Variants in GRIK3 observed in about 807,000 individuals in gnomAD.
The protein encoded by GRIK3 is glutamate ionotropic receptor kainate type subunit 3, also known as glutamate receptor ionotropic, kainate 3.
In GRIK3, 29 loss-of-function variants were observed where a neutral mutation model predicts 102.5. The ratio of observed to expected loss-of-function variants is 0.28; its 90% CI spans 0.21 to 0.39. The LOEUF (loss-of-function observed/expected upper bound fraction) is 0.39, where lower values mean the gene tolerates loss of function less well. GRIK3 is among the 10% of genes least tolerant of loss of function. The probability of loss-of-function intolerance (pLI) is 1.00; values close to 1 mark genes in which losing one functional copy is unlikely to be tolerated. For synonymous variants in GRIK3, 511 were observed against 504.9 expected (o/e 1.01, Z -0.16); for missense variants, 908 against 1,252.4 (o/e 0.73, Z 4.15).
chr1:36,848,417 T>C (rs1195761976), intron 9 of GRIK3, among the ~76,000 whole-genome samples: 1 of 152,260 alleles, frequency 6.6e-6, no homozygotes, highest in Non-Finnish European at 1.5e-5. Flanking sequence ...TTTATGCAGC[T>C]CTGCTTTTAA....
At chr1:36,887,769 A>ATATATAT (rs1491580653) in intron 2 of GRIK3, among the ~76,000 whole-genome samples, 102 of 90,306 alleles carry the variant, frequency 1.1e-3, no homozygotes, top group African/African-American at 3.8e-3. Flanking sequence ...AAAAAAAAAA[A>ATATATAT]AAATATATAT....
chr1:37,026,424 G>C (rs1490838053), intron 1 of GRIK3, among the ~76,000 whole-genome samples: 1 of 152,190 alleles, frequency 6.6e-6, no homozygotes, highest in African/African-American at 2.4e-5. Context: ...GGGGCACTAG[G>C]GGTTAGCACA....
At chr1:36,983,965 G>A (rs1642276955) in intron 1 of GRIK3, among the ~76,000 whole-genome samples, 1 of 152,172 alleles carries the variant, frequency 6.6e-6, no homozygotes, top group Non-Finnish European at 1.5e-5. Flanking sequence ...ATAGTACCCA[G>A]CAGGGTGACT....
intron 1 of GRIK3, among the ~76,000 whole-genome samples, chr1:36,957,338 T>A (rs1008382493): frequency 4.7e-5 from 7 of 148,628 alleles, no homozygotes; most frequent in South Asian, 4.4e-4. Flanking sequence ...TGAGCCTGTG[T>A]ACCCAGTGAG....
At chr1:36,822,945 C>G (rs977141550) in intron 11 of GRIK3, among the ~76,000 whole-genome samples, 2 of 152,188 alleles carry the variant, frequency 1.3e-5, no homozygotes, top group Non-Finnish European at 2.9e-5. Context: ...GCCTGGTCCC[C>G]TGGTGTGGGC....
chr1:36,857,903 C>T (rs534966320), intron 7 of GRIK3, among the ~76,000 whole-genome samples: 10 of 152,180 alleles, frequency 6.6e-5, no homozygotes, highest in South Asian at 6.2e-4. Flanking sequence ...TGTGCACAGG[C>T]GAGTCTGTTT....
chr1:36,964,798 G>A (rs111272917), intron 1 of GRIK3, among the ~76,000 whole-genome samples: 3 of 152,222 alleles, frequency 2.0e-5, no homozygotes, highest in African/African-American at 4.8e-5. Flanking sequence ...CAAACCTCAA[G>A]TGCCACATTG....
At position 36,806,123 on chromosome 1, in the gene GRIK3, G is replaced by A. The variant is rs369987280; in HGVS notation, c.2295C>T (p.Tyr765=). Residue 765 remains tyrosine, a synonymous_variant, in exon 14 of 16, where the codon TAC becomes TAT. Transcript: ENST00000373091. The surrounding 1 kb of genome is among the most constrained non-coding windows in gnomAD (Gnocchi z 4.0). The part of the protein sequence containing the change: ...QIGGLIDSKG[Y]GIGTPMGSPY... ...GCTCACCCATGGGCGTGCCGATGCC[G>A]TAGCCCTTGGAGTCAATGAGGCCCC... 2.0e-4 allele frequency: 316 copies of A among 1,613,230 alleles called. 1 individual carries two copies. The South Asian group carries it at 2.9e-3, about 15-fold the overall frequency.
chr1:36,989,268 T>A (rs963990074), intron 1 of GRIK3, among the ~76,000 whole-genome samples: 1 of 152,160 alleles, frequency 6.6e-6, no homozygotes, highest in Non-Finnish European at 1.5e-5. Flanking sequence ...ATGAGAAATA[T>A]TCCAGCACGT....
chr1:36,815,160 C>T (rs1005717335), intron 13 of GRIK3, among the ~76,000 whole-genome samples: 1 of 152,246 alleles, frequency 6.6e-6, no homozygotes, highest in Non-Finnish European at 1.5e-5. Context: ...ATGCCGTTGT[C>T]TTCCCCTCAC....
chr1:36,994,171 C>T (rs1570851927), intron 1 of GRIK3, among the ~76,000 whole-genome samples: 1 of 152,212 alleles, frequency 6.6e-6, no homozygotes, highest in East Asian at 1.9e-4. Flanking sequence ...GGGTTACCCC[C>T]TTTTCCATTC....
Position 36,880,528 on chromosome 1 carries a change from C to G in GRIK3, c.550+106G>C, listed in dbSNP as rs1640960587. Reference sequence around the variant, plus strand: ...AGTGGAACTGGGGTATGGAACACAGCCTCTTCCCCCAGGGCAGCTGTGCTG... The same window carrying G: ...AGTGGAACTGGGGTATGGAACACAGGCTCTTCCCCCAGGGCAGCTGTGCTG... On this transcript the variant is annotated intron_variant, in intron 3 of 15. Coordinates refer to ENST00000373091, the MANE Select transcript of GRIK3 (RefSeq NM_000831.4). This position sits in a 1 kb window ranked among gnomAD's most constrained non-coding sequence, Gnocchi z 5.4. 2 of 1,140,690 alleles carry G rather than the reference C, an allele frequency of 1.8e-6. No individual in the cohort carries two copies. Among genetic ancestry groups the G allele is most frequent in the South Asian group, 1.4e-5 (1 of 72,508 alleles). 70.7% of individuals were successfully genotyped at this position (1,140,690 alleles called of 1,614,324 possible).
chr1:36,922,683 A>G (rs971288452), intron 1 of GRIK3, among the ~76,000 whole-genome samples: 1 of 152,144 alleles, frequency 6.6e-6, no homozygotes, highest in Non-Finnish European at 1.5e-5. Context: ...CTGTGCTTGG[A>G]CTTCACGTAG....
chr1:36,929,048 C>T (rs903346017), intron 1 of GRIK3, among the ~76,000 whole-genome samples: 1 of 152,128 alleles, frequency 6.6e-6, no homozygotes, highest in Non-Finnish European at 1.5e-5. Flanking sequence ...GGGATAGGTA[C>T]AGTTATTCTT....
chr1:37,033,659 G>C (rs879894812), intron 1 of GRIK3, among the ~76,000 whole-genome samples: 1 of 152,162 alleles, frequency 6.6e-6, no homozygotes, highest in Non-Finnish European at 1.5e-5. Flanking sequence ...CGCAGAACTC[G>C]GTCGGCTGCG....
At chr1:36,914,916 C>G (rs1042901767) in intron 1 of GRIK3, among the ~76,000 whole-genome samples, 7 of 152,202 alleles carry the variant, frequency 4.6e-5, no homozygotes, top group African/African-American at 1.4e-4. Flanking sequence ...GCTGGGGAAC[C>G]AATTCATCAG....
chr1:36,857,633 G>A (rs1056350994), intron 7 of GRIK3, among the ~76,000 whole-genome samples: 4 of 152,298 alleles, frequency 2.6e-5, no homozygotes, highest in Admixed American at 6.5e-5. Context: ...GTAGAGACGC[G>A]ATCCAAAGGC....
chr1:36,813,205 TG>T (rs1642582274), intron 13 of GRIK3, among the ~76,000 whole-genome samples: 1 of 152,224 alleles, frequency 6.6e-6, no homozygotes, highest in Admixed American at 6.5e-5. Flanking sequence ...TTAGCCTCTC[TG>T]GGCCTTCCTT....
chr1:36,858,044 CAG>C (rs1640673187), intron 7 of GRIK3, among the ~76,000 whole-genome samples: 1 of 152,228 alleles, frequency 6.6e-6, no homozygotes, highest in African/African-American at 2.4e-5. Flanking sequence ...GTGATTGTTA[CAG>C]AGAGCTCATT....
Sources: gnomAD v4.1 joint callset for allele counts (sites outside exome capture counted in the v4.1 genomes callset) on GRCh38, gnomAD v4.1.1 for gene constraint, Gnocchi (gnomAD v3.1) non-coding constraint, MANE v1.5 for transcripts, NCBI Gene and HGNC (gene_info 2026-07-23, HGNC 2026-07-21) for gene names.